PTPRD: variants seen among roughly 807,000 people sequenced by gnomAD.
PTPRD encodes protein tyrosine phosphatase receptor type D.
Under a neutral mutation model 214.5 loss-of-function variants are expected in PTPRD, and 34 were observed. That is an observed-to-expected ratio of 0.16 (90% CI 0.12 to 0.21). PTPRD has a LOEUF of 0.21. Ranked by LOEUF, PTPRD falls within the 10% of genes least tolerant of loss-of-function variation. The probability of loss-of-function intolerance (pLI) is 1.00; values close to 1 mark genes in which losing one functional copy is unlikely to be tolerated. For missense variants in PTPRD, 2,545 were observed against 2,398.7 expected (o/e 1.06, Z -1.27); for synonymous variants, 1,128 against 845.7 (o/e 1.33, Z -5.79).
chr9:8,667,377 T>A lies in PTPRD; in HGVS notation c.65-30533A>T, dbSNP rs374102184. 2.6e-5 allele frequency among the ~76,000 whole-genome samples: 4 copies of A among 152,188 alleles called. No individual in the cohort carries two copies. The East Asian group carries it at 5.8e-4, about 22-fold the overall frequency. The stretch of plus-strand genomic sequence containing the variant: ...TAAAACAAAACCAGAAAATTCAATT[T>A]TTTTTCCATCTTGTTTCTTAAATCC... On this transcript the variant is annotated intron_variant, in intron 12 of 45. Coordinates refer to ENST00000381196, the MANE Select transcript of PTPRD (RefSeq NM_002839.4).
intron 2 of PTPRD, among the ~76,000 whole-genome samples, chr9:10,501,756 T>A (rs1158878951): frequency 6.6e-6 from 1 of 152,056 alleles, no homozygotes; most frequent in Non-Finnish European, 1.5e-5. Context: ...ACTTTAAGTA[T>A]TAATCGTCTC....
chr9:10,016,670 G>A (rs928907919), intron 4 of PTPRD, among the ~76,000 whole-genome samples: 1 of 148,504 alleles, frequency 6.7e-6, no homozygotes, highest in Non-Finnish European at 1.5e-5. Flanking sequence ...CCTCCTGTGG[G>A]TTGTTTTTTT....
intron 8 of PTPRD, among the ~76,000 whole-genome samples, chr9:9,464,868 T>A (rs556708916): frequency 3.9e-5 from 6 of 152,180 alleles, no homozygotes; most frequent in Non-Finnish European, 7.4e-5. Flanking sequence ...CTCAATTCCC[T>A]AGGCTTAACC....
intron 3 of PTPRD, among the ~76,000 whole-genome samples, chr9:10,098,308 A>G (rs1354803656): frequency 1.4e-5 from 2 of 138,338 alleles, no homozygotes; most frequent in African/African-American, 5.3e-5. Flanking sequence ...ACACATGGAC[A>G]CAGGAAGGGG....
At chr9:9,309,506 G>T (rs1048609995) in intron 9 of PTPRD, among the ~76,000 whole-genome samples, 15 of 152,030 alleles carry the variant, frequency 9.9e-5, no homozygotes, top group African/African-American at 3.6e-4. Flanking sequence ...TATAATTTTG[G>T]TGTCCTCAGC....
At chr9:9,726,572 T>G (rs1250670624) in intron 7 of PTPRD, among the ~76,000 whole-genome samples, 1 of 152,224 alleles carries the variant, frequency 6.6e-6, no homozygotes, top group East Asian at 1.9e-4. Flanking sequence ...GTTAAACTTA[T>G]TGTGTAATAT....
chr9:8,753,146 A>G (rs1164341457), intron 11 of PTPRD, among the ~76,000 whole-genome samples: 1 of 152,316 alleles, frequency 6.6e-6, no homozygotes, highest in South Asian at 2.1e-4. Flanking sequence ...GATTTAGAAT[A>G]TCAGAACTTA....
At chr9:8,715,303 C>G (rs1039203556) in intron 12 of PTPRD, among the ~76,000 whole-genome samples, 1 of 152,168 alleles carries the variant, frequency 6.6e-6, no homozygotes, top group Admixed American at 6.5e-5. Flanking sequence ...CACATAACAA[C>G]TGCAGGATGA....
At chr9:10,029,469 G>C (rs1004053140) in intron 4 of PTPRD, among the ~76,000 whole-genome samples, 1 of 152,100 alleles carries the variant, frequency 6.6e-6, no homozygotes, top group South Asian at 2.1e-4. Flanking sequence ...AGCCACAGGG[G>C]CAGCCATGGG....
chr9:8,987,872 A>C (rs1172617358), intron 11 of PTPRD, among the ~76,000 whole-genome samples: 1 of 152,144 alleles, frequency 6.6e-6, no homozygotes, highest in Non-Finnish European at 1.5e-5. Flanking sequence ...TGAAGGTCTA[A>C]TTTGGGAATC....
At chr9:9,000,101 G>T (rs1361858600) in intron 11 of PTPRD, among the ~76,000 whole-genome samples, 1 of 151,890 alleles carries the variant, frequency 6.6e-6, no homozygotes, top group Non-Finnish European at 1.5e-5. Context: ...TGTAATAATG[G>T]TTTTGCACAA....
chr9:10,417,416 GC>G (rs1415452363), intron 2 of PTPRD, among the ~76,000 whole-genome samples: 1 of 151,596 alleles, frequency 6.6e-6, no homozygotes, highest in African/African-American at 2.4e-5. Flanking sequence ...TCTTTGCCTG[GC>G]CCCCTAACTC....
intron 36 of PTPRD, among the ~76,000 whole-genome samples, chr9:8,393,435 G>C (rs1477681107): frequency 1.3e-5 from 2 of 152,022 alleles, no homozygotes; most frequent in East Asian, 1.9e-4. Context: ...TGGGTTTCCT[G>C]TTTGTTTGTT....
chr9:9,519,140 A>C (rs1191246528), intron 8 of PTPRD, among the ~76,000 whole-genome samples: 1 of 152,020 alleles, frequency 6.6e-6, no homozygotes. Flanking sequence ...AAAATGTATA[A>C]ATATTTTGAA....
chr9:10,279,354 A>G (rs2094950594), intron 3 of PTPRD, among the ~76,000 whole-genome samples: 1 of 152,158 alleles, frequency 6.6e-6, no homozygotes, highest in South Asian at 2.1e-4. Context: ...GTGATTTAGG[A>G]AACAGAACAG....
chr9:8,849,955 G>A, intron 11 of PTPRD, among the ~76,000 whole-genome samples: 1 of 152,110 alleles, frequency 6.6e-6, no homozygotes, highest in East Asian at 1.9e-4. Context: ...GAACACATAG[G>A]AAAGGTAGAA....
chr9:9,990,395 A>C (rs1422011408), intron 4 of PTPRD, among the ~76,000 whole-genome samples: 1 of 152,202 alleles, frequency 6.6e-6, no homozygotes, highest in Non-Finnish European at 1.5e-5. Flanking sequence ...ATTTCTGTTT[A>C]TGGAGGTGTC....
At chr9:9,367,390 A>G (rs1435093007) in intron 9 of PTPRD, among the ~76,000 whole-genome samples, 1 of 151,680 alleles carries the variant, frequency 6.6e-6, no homozygotes, top group Non-Finnish European at 1.5e-5. Flanking sequence ...CATAAGGGAC[A>G]AGAGAAGAAA....
chr9:9,095,313 G>C (rs2154434460), intron 10 of PTPRD, among the ~76,000 whole-genome samples: 1 of 152,074 alleles, frequency 6.6e-6, no homozygotes, highest in African/African-American at 2.4e-5. Flanking sequence ...AAAATAAAAT[G>C]ACCTTTATTC....
Sources: gnomAD v4.1 joint callset for allele counts (sites outside exome capture counted in the v4.1 genomes callset) on GRCh38, gnomAD v4.1.1 for gene constraint, MANE v1.5 for transcripts, NCBI Gene and HGNC (gene_info 2026-07-23, HGNC 2026-07-21) for gene names.